Variants in VDAC2 observed in about 807,000 individuals in gnomAD.
VDAC2 encodes non-selective voltage-gated ion channel VDAC2.
In VDAC2, 6 loss-of-function variants were observed where a neutral mutation model predicts 36.6. The observed-to-expected ratio is 0.16, with a 90% CI of 0.09 to 0.32. The LOEUF (loss-of-function observed/expected upper bound fraction) is 0.32. VDAC2 is among the 10% of genes least tolerant of loss of function. The probability of loss-of-function intolerance (pLI) is 1.00; values close to 1 mark genes in which losing one functional copy is unlikely to be tolerated. For synonymous variants in VDAC2, 109 were observed against 123.8 expected (o/e 0.88, Z 0.79); for missense variants, 247 against 346.0 (o/e 0.71, Z 2.27).
rs541326156 is a variant in VDAC2, at chr10:75,231,370, C to T, written c.*381C>T. ...ATCAGTGGATATTAAGATGAGGTTA[C>T]AAATTTTGTTAAGTTCAGCCATTAT... On this transcript the variant is annotated 3_prime_UTR_variant, in exon 10 of 10. Transcript: ENST00000332211. The T allele has an allele frequency of 6.4e-6, 1 of 156,590 alleles. No individual in the cohort carries two copies. Among genetic ancestry groups the T allele is most frequent in the East Asian group, 1.9e-4 (1 of 5,328 alleles). 9.7% of individuals were successfully genotyped at this position (156,590 alleles called of 1,614,324 possible).
At chr10:75,224,206 C>T (rs887974824) in intron 8 of VDAC2, among the ~76,000 whole-genome samples, 19 of 152,254 alleles carry the variant, frequency 1.2e-4, no homozygotes, top group South Asian at 1.2e-3. Context: ...CATCTGATGT[C>T]TCCAGGTAGA....
chr10:75,214,181 T>C lies in VDAC2; in HGVS notation c.150+111T>C, dbSNP rs1841526141. ...TTTTGTCTTAAAGAAGAGGCAGAAG[T>C]TAACTTTGTTTTAAGAGATTTGCGT... On this transcript the variant is annotated intron_variant, in intron 4 of 9. Transcript: ENST00000332211. 13 of 1,146,798 alleles carry C rather than the reference T, an allele frequency of 1.1e-5. No homozygotes were observed. In the Admixed American group the frequency reaches 2.8e-4, roughly 25 times the overall value. 71.0% of individuals were successfully genotyped at this position (1,146,798 alleles called of 1,614,324 possible).
chr10:75,222,979 C>CTTTTTTTTTTT (rs34279627), intron 8 of VDAC2, among the ~76,000 whole-genome samples: 3 of 138,000 alleles, frequency 2.2e-5, no homozygotes, highest in African/African-American at 2.7e-5. Context: ...ATCACTTTGT[C>CTTTTTTTTTTT]TTTTTTTTTT....
intron 7 of VDAC2, 168 bp downstream of exon 7, chr10:75,221,138 C>G: frequency 1.6e-6 from 1 of 633,464 alleles, no homozygotes; most frequent in Non-Finnish European, 2.7e-6. Flanking sequence ...TAGTAGAAGA[C>G]TGTTAGTCTG....
intron 8 of VDAC2, among the ~76,000 whole-genome samples, chr10:75,225,792 G>GT (rs548410540): frequency 7.9e-5 from 12 of 150,964 alleles, no homozygotes; most frequent in Admixed American, 4.0e-4. Context: ...GACCGAGTAG[G>GT]TTTTTTTTGT....
At chr10:75,223,061 A>G (rs1285507245) in intron 8 of VDAC2, among the ~76,000 whole-genome samples, 4 of 150,296 alleles carry the variant, frequency 2.7e-5, no homozygotes, top group Non-Finnish European at 4.4e-5. Context: ...GCTCACTGCA[A>G]CCTCCGCCTC....
At chr10:75,230,865 G>A in intron 9 of VDAC2, 33 bp from the exon 10 acceptor site, 1 of 1,595,434 alleles carries the variant, frequency 6.3e-7, no homozygotes, top group Non-Finnish European at 8.6e-7. Context: ...GTACATCACG[G>A]TTTTTTGTTT....
Position 75,225,801 on chromosome 10 carries a change from G to C in VDAC2, c.735+3399G>C, listed in dbSNP as rs942909501. Among the ~76,000 whole-genome samples the C allele has an allele frequency of 2.0e-5, 3 of 147,374 alleles. No individual in the cohort carries two copies. In the East Asian group the frequency reaches 5.9e-4, roughly 29 times the overall value. ...TCATAGGACCGAGTAGGTTTTTTTT[G>C]TTTTGTTTTGTTTTGTTTTGAGACG... On this transcript the variant is annotated intron_variant, in intron 8 of 9. Coordinates refer to ENST00000332211, the MANE Select transcript of VDAC2 (RefSeq NM_001391963.1).
rs1171450448 is a variant in VDAC2, at chr10:75,220,767, T to G, written c.381T>G (p.Ser127=). ...GAAAGAAAAGTGGTAAAATCAAGTC[T>G]TCTTACAAGAGGGAGTGTATAAACC... is the stretch of plus-strand genomic sequence containing the variant. ...NTGKKSGKIK[S]SYKRECINLG... Residue 127 remains serine, a synonymous_variant, in exon 7 of 10, where the codon TCT becomes TCG. Transcript: ENST00000332211. 1.1e-5 allele frequency: 17 copies of G among 1,610,052 alleles called. No homozygotes were observed. The East Asian group carries it at 1.6e-4, about 15-fold the overall frequency.
At chr10:75,221,833 T>C (rs1463370879) in intron 7 of VDAC2, among the ~76,000 whole-genome samples, 1 of 152,234 alleles carries the variant, frequency 6.6e-6, no homozygotes, top group Admixed American at 6.5e-5. Flanking sequence ...AATGTTTTTC[T>C]TTCCATTGTA....
rs368501496 is a variant in VDAC2 at position 75,219,817 on chromosome 10, ATTTAT to A, written c.356+480_356+484del. On this transcript the variant is annotated intron_variant, in intron 6 of 9. Coordinates refer to ENST00000332211, the MANE Select transcript of VDAC2 (RefSeq NM_001391963.1). The stretch of plus-strand genomic sequence containing the variant: ...TTTTTTCCATATTTTATTTTATTGT[ATTTAT>A]TTTATTTTATTTTATTTTCATTTGG... Among the ~76,000 whole-genome samples the A allele has an allele frequency of 3.7e-4, 51 of 137,216 alleles. No homozygotes were observed. The East Asian group carries it at 8.0e-3, about 21-fold the overall frequency. 90.0% of individuals were successfully genotyped at this position (137,216 alleles called of 152,430 possible). A position where few individuals can be genotyped will look rare whatever the true frequency, so the allele number is the denominator to read the frequency against.
rs748708046 is a variant in VDAC2 at position 75,212,264 on chromosome 10, C to T, written c.66C>T (p.Gly22=). 78 of 1,613,404 alleles carry T rather than the reference C, an allele frequency of 4.8e-5. No homozygotes were observed. Among genetic ancestry groups the T allele is most frequent in the Non-Finnish European group, 6.6e-5 (78 of 1,179,904 alleles). ...MCIPPSYADL[G]KAARDIFNKG... Reference sequence around the variant, plus strand: ...TTCCTCCATCATATGCTGACCTTGGCAAAGCTGCCAGAGATATTTTCAACA... The same window carrying T: ...TTCCTCCATCATATGCTGACCTTGGTAAAGCTGCCAGAGATATTTTCAACA... The change falls in exon 3 of 10, where the codon GGC becomes GGT. Residue 22 remains glycine (G), a synonymous_variant. Transcript: ENST00000332211.
intron 3 of VDAC2, among the ~76,000 whole-genome samples, chr10:75,212,610 G>C (rs1841460683): frequency 6.6e-6 from 1 of 152,020 alleles, no homozygotes; most frequent in Non-Finnish European, 1.5e-5. Context: ...CGTAGAGGTG[G>C]GGTCTCACTG....
At chr10:75,210,404 G>A (rs1342564282), upstream of VDAC2, among the ~76,000 whole-genome samples, 1 of 152,182 alleles carries the variant, frequency 6.6e-6, no homozygotes, top group African/African-American at 2.4e-5. Context: ...GGGGGAACCC[G>A]CACCAGCGCG....
upstream of VDAC2, among the ~76,000 whole-genome samples, chr10:75,210,401 C>T (rs558774222): frequency 1.3e-5 from 2 of 152,322 alleles, no homozygotes; most frequent in East Asian, 3.9e-4. Flanking sequence ...CGGGGGGGAA[C>T]CCGCACCAGC....
chr10:75,219,497 A>G, intron 6 of VDAC2, 141 bp downstream of exon 6: 1 of 721,938 alleles, frequency 1.4e-6, no homozygotes, highest in Non-Finnish European at 2.2e-6. Flanking sequence ...TTATTTATTT[A>G]TTTGAGATGG....
rs1191083284 is a variant in VDAC2, at chr10:75,212,301, A to G, written c.100+3A>G. 3 of 1,610,924 alleles carry G rather than the reference A, an allele frequency of 1.9e-6. No homozygotes were observed. Among genetic ancestry groups the G allele is most frequent in the Non-Finnish European group, 8.5e-7 (1 of 1,178,612 alleles). ...AGATATTTTCAACAAAGGATTTGGT[A>G]AGAACCTTATTTTTAAAACGTTTTA... On this transcript the variant is annotated splice_donor_region_variant and intron_variant, in intron 3 of 9. Coordinates refer to ENST00000332211, the MANE Select transcript of VDAC2 (RefSeq NM_001391963.1).
chr10:75,222,169 A>G, intron 7 of VDAC2, 83 bp from the exon 8 acceptor site: 1 of 1,403,720 alleles, frequency 7.1e-7, no homozygotes. Flanking sequence ...TTTTTTATTT[A>G]AATGTAATGC....
intron 3 of VDAC2, among the ~76,000 whole-genome samples, chr10:75,213,117 T>C (rs1416333134): frequency 6.6e-6 from 1 of 152,196 alleles, no homozygotes; most frequent in Admixed American, 6.5e-5. Context: ...CTCGCTCTGT[T>C]GCCCAGGCTG....
Sources: allele counts gnomAD v4.1 joint callset (sites outside exome capture counted in the v4.1 genomes callset), GRCh38; gene constraint gnomAD v4.1.1; transcripts MANE v1.5; gene names NCBI Gene and HGNC (gene_info 2026-07-23, HGNC 2026-07-21).